IRAG1: variants seen among roughly 807,000 people sequenced by gnomAD.
The protein encoded by IRAG1 is IP3R-associated cGMP kinase substrate.
Under a neutral mutation model 106.2 loss-of-function variants are expected in IRAG1, and 62 were observed. That is an observed-to-expected ratio of 0.58 (90% CI 0.48 to 0.72). IRAG1 has a LOEUF of 0.72. IRAG1 is among the 30% of genes least tolerant of loss of function. IRAG1 has a pLI of 0.00. For missense variants in IRAG1, 1,064 were observed against 1,140.7 expected (o/e 0.93, Z 0.97); for synonymous variants, 462 against 443.9 (o/e 1.04, Z -0.51).
chr11:10,690,291 G>A (rs1299548710), intron 1 of IRAG1: 1 of 784,100 alleles, frequency 1.3e-6, no homozygotes, highest in South Asian at 1.6e-5. Context: ...TTGGGAGGCT[G>A]AGGCATGAGA....
chr11:10,687,964 C>G (rs1861788698), intron 1 of IRAG1, among the ~76,000 whole-genome samples: 1 of 151,814 alleles, frequency 6.6e-6, no homozygotes, highest in Admixed American at 6.6e-5. Context: ...ATCTAAAATG[C>G]TCCAAAATGC....
In IRAG1 at chr11:10,693,690, G is replaced by T; in HGVS notation, c.-88C>A. 1.4e-6 allele frequency: 2 copies of T among 1,448,772 alleles called. No individual in the cohort carries two copies. Among genetic ancestry groups the T allele is most frequent in the Non-Finnish European group, 1.9e-6 (2 of 1,073,072 alleles). The allele number at this position is 1,448,772 out of a possible 1,614,324, so 89.7% of individuals were successfully genotyped here. A position where few individuals can be genotyped will look rare whatever the true frequency, so the allele number is the denominator to read the frequency against. ...TCGGCCGCACGCCTCCTCTGAGAGG[G>T]GCTGGGACTTAGAGCCGAGAGCTCC... On this transcript the variant is annotated 5_prime_UTR_variant, in exon 1 of 21. Coordinates refer to ENST00000423302, the MANE Select transcript of IRAG1 (RefSeq NM_130385.4).
intron 20 of IRAG1, among the ~76,000 whole-genome samples, 173 bp from the exon 21 acceptor site, chr11:10,576,748 A>G (rs28526173): frequency 0.086 from 13,073 of 152,234 alleles, 1,357 homozygotes; most frequent in African/African-American, 0.25. Flanking sequence ...CAAGCATACT[A>G]AATGAGAATA....
At chr11:10,635,639 GC>G (rs1420772936) in intron 2 of IRAG1, among the ~76,000 whole-genome samples, 1 of 152,202 alleles carries the variant, frequency 6.6e-6, no homozygotes, top group African/African-American at 2.4e-5. Flanking sequence ...TTGACATTAT[GC>G]CTTGTTGTGA....
At chr11:10,605,368 G>A (rs1345186587) in intron 12 of IRAG1, among the ~76,000 whole-genome samples, 5 of 152,174 alleles carry the variant, frequency 3.3e-5, no homozygotes, top group Non-Finnish European at 5.9e-5. Flanking sequence ...CATGGCCCAT[G>A]GAAGGCAGTC....
Position 10,603,105 on chromosome 11 carries a change from G to C in IRAG1, c.1875+15C>G. Reference sequence around the variant, plus strand: ...TGGAACAGAGTTGGCAAGACCGGGGGCTGGAGAGACTCACCTGGCGGACGG... The same window carrying C: ...TGGAACAGAGTTGGCAAGACCGGGGCCTGGAGAGACTCACCTGGCGGACGG... On this transcript the variant is annotated intron_variant, in intron 14 of 20. Coordinates refer to ENST00000423302, the MANE Select transcript of IRAG1 (RefSeq NM_130385.4). 1 of 1,605,966 alleles carries C rather than the reference G, an allele frequency of 6.2e-7. No homozygotes were observed. The highest frequency in any genetic ancestry group is 2.2e-5 in the East Asian group (1 of 44,622).
At chr11:10,582,442 G>C (rs1266713357) in intron 18 of IRAG1, among the ~76,000 whole-genome samples, 2 of 151,920 alleles carry the variant, frequency 1.3e-5, no homozygotes, top group Admixed American at 6.6e-5. Flanking sequence ...ATAAAGAAAT[G>C]GTTTTTACCA....
rs1385189069 is a variant in IRAG1, at chr11:10,580,567, T to A, written c.2383A>T (p.Thr795Ser). The change falls in exon 20 of 21, where the codon ACC becomes TCC. Residue 795 changes from threonine to serine, a missense_variant. Transcript: ENST00000423302. ...TCCTTCAGGTCTTGAAGTTCTTTGG[T>A]CTTCTTTAGACCTTCTTGGAATCTG... ...SKGFQEGLKK[T>S]KELQDLKEEE... 3 of 1,613,772 alleles carry A rather than the reference T, an allele frequency of 1.9e-6. No individual in the cohort carries two copies. In the East Asian group the frequency reaches 6.7e-5, roughly 36 times the overall value.
chr11:10,603,868 C>T (rs57482306), intron 13 of IRAG1, among the ~76,000 whole-genome samples: 2,765 of 152,312 alleles, frequency 0.018, 93 homozygotes, highest in African/African-American at 0.063. Context: ...ATGGCCCTCA[C>T]CAGAACCCGA....
Position 10,659,866 on chromosome 11 carries a change from G to T in IRAG1, c.68-7684C>A, listed in dbSNP as rs1193593974. Among the ~76,000 whole-genome samples the T allele has an allele frequency of 1.3e-5, 2 of 151,922 alleles. No individual in the cohort carries two copies. The highest frequency in any genetic ancestry group is 3.9e-4 in the East Asian group (2 of 5,166). ...ATATAAATCTTGCCCAGTTCTGTTTGTTCCAGGCTGCTCAGCAGCCTCTTC... is the reference window on the plus strand; with the variant it reads ...ATATAAATCTTGCCCAGTTCTGTTTTTTCCAGGCTGCTCAGCAGCCTCTTC... On this transcript the variant is annotated intron_variant, in intron 1 of 20. Transcript: ENST00000423302. This position sits in a 1 kb window ranked among gnomAD's most constrained non-coding sequence, Gnocchi z 4.1.
At chr11:10,671,485 G>C (rs1024036511) in intron 1 of IRAG1, among the ~76,000 whole-genome samples, 4 of 152,208 alleles carry the variant, frequency 2.6e-5, no homozygotes, top group African/African-American at 9.6e-5. Context: ...GCTGAGGTGG[G>C]TGGATCACCT....
Position 10,628,964 on chromosome 11 carries a change from C to T in IRAG1, c.575-136G>A. The T allele has an allele frequency of 1.3e-6, 1 of 777,584 alleles. No individual in the cohort carries two copies. Among genetic ancestry groups the T allele is most frequent in the Non-Finnish European group, 2.1e-6 (1 of 483,608 alleles). 48.2% of individuals were successfully genotyped at this position (777,584 alleles called of 1,614,324 possible). ...GGGCTCAGGGGCTGATGCTGGACTG[C>T]AATATGATGCTCCTGTTACAGCCCA... is the stretch of plus-strand genomic sequence containing the variant. On this transcript the variant is annotated intron_variant, in intron 5 of 20. Coordinates refer to ENST00000423302, the MANE Select transcript of IRAG1 (RefSeq NM_130385.4). The surrounding 1 kb of genome is among the most constrained non-coding windows in gnomAD (Gnocchi z 4.1).
intron 1 of IRAG1, among the ~76,000 whole-genome samples, chr11:10,680,134 A>C (rs574574325): frequency 6.6e-6 from 1 of 151,580 alleles, no homozygotes; most frequent in Admixed American, 6.6e-5. Context: ...TTGGCCAGGC[A>C]TGGTGGCGCA....
intron 15 of IRAG1, 124 bp downstream of exon 15, chr11:10,600,794 T>A: frequency 7.6e-6 from 10 of 1,317,840 alleles, no homozygotes; most frequent in Non-Finnish European, 1.0e-6. Context: ...TGGGCAGCAC[T>A]AGACAGGAGT....
At chr11:10,631,912 G>A (rs1856721251) in intron 4 of IRAG1, 79 bp downstream of exon 4, 1 of 1,190,488 alleles carries the variant, frequency 8.4e-7, no homozygotes, top group Non-Finnish European at 1.3e-6. Flanking sequence ...AAGAGCAGGA[G>A]AGAGGAAGGA....
chr11:10,580,857 C>A (rs958468645), intron 19 of IRAG1, among the ~76,000 whole-genome samples: 3 of 152,224 alleles, frequency 2.0e-5, no homozygotes, highest in Non-Finnish European at 4.4e-5. Context: ...GGTCTCCTGA[C>A]TGGGTTCTTA....
At chr11:10,643,323 G>A (rs186715068) in intron 2 of IRAG1, among the ~76,000 whole-genome samples, 17 of 152,286 alleles carry the variant, frequency 1.1e-4, no homozygotes, top group Admixed American at 4.6e-4. Context: ...CAAGCATAGA[G>A]GGCCAGTTCC....
chr11:10,605,060 T>C (rs1272611998), intron 12 of IRAG1, among the ~76,000 whole-genome samples: 1 of 152,222 alleles, frequency 6.6e-6, no homozygotes, highest in Non-Finnish European at 1.5e-5. Context: ...AAGCTTTAAG[T>C]AGCTGCCAGG....
At position 10,593,576 on chromosome 11, in the gene IRAG1, G is replaced by A. The variant is rs778306727; in HGVS notation, c.2091C>T (p.Ser697=). The A allele has an allele frequency of 3.1e-5, 50 of 1,613,648 alleles. No individual in the cohort carries two copies. The highest frequency in any genetic ancestry group is 2.0e-4 in the Admixed American group (12 of 59,992). The change falls in exon 17 of 21, where the codon AGC becomes AGT. Residue 697 remains serine (S), a synonymous_variant. Coordinates refer to ENST00000423302, the MANE Select transcript of IRAG1 (RefSeq NM_130385.4). ...LGKNMPRRRV[S]VAVVPKFNAL... is the part of the protein sequence containing the mutation. ...CATTAAACTTAGGAACCACAGCAAC[G>A]CTGACCCTCCGGCGAGGCATATTCT...
Sources: gnomAD v4.1 joint callset for allele counts (sites outside exome capture counted in the v4.1 genomes callset) on GRCh38, gnomAD v4.1.1 for gene constraint, Gnocchi (gnomAD v3.1) non-coding constraint, MANE v1.5 for transcripts, NCBI Gene and HGNC (gene_info 2026-07-23, HGNC 2026-07-21) for gene names.